EDA: variants seen among roughly 807,000 people sequenced by gnomAD.
EDA encodes ectodysplasin-A.
A neutral mutation model predicts 23.6 loss-of-function variants in EDA; 2 were observed. The observed-to-expected ratio is 0.08, with a 90% confidence interval of 0.03 to 0.27. The LOEUF is 0.27. Among genes scored for constraint, EDA ranks in the 10% least tolerant of loss-of-function variants. The pLI is 1.00. For missense variants in EDA, 229 were observed against 324.2 expected (o/e 0.71, Z 2.26); for synonymous variants, 131 against 132.0 (o/e 0.99, Z 0.05).
intron 2 of EDA, among the ~76,000 whole-genome samples, chrX:69,987,746 C>T (rs2019524659): frequency 9.0e-6 from 1 of 111,644 alleles, no homozygotes; most frequent in South Asian, 3.8e-4. Flanking sequence ...GTGGGACCTA[C>T]CCAGAAGTTA....
chrX:69,718,033 G>A (rs763526367), intron 1 of EDA, among the ~76,000 whole-genome samples: 3 of 111,604 alleles, frequency 2.7e-5, no homozygotes, highest in South Asian at 3.8e-4. Flanking sequence ...ACCTTCTGCC[G>A]TGATTGGCCT....
chrX:69,675,053 G>C (rs1934032967), intron 1 of EDA, among the ~76,000 whole-genome samples: 1 of 110,991 alleles, frequency 9.0e-6, no homozygotes, highest in Non-Finnish European at 1.9e-5. Context: ...GTGTGACCTT[G>C]GCTCATTGAA....
intron 1 of EDA, among the ~76,000 whole-genome samples, chrX:69,776,042 T>C (rs1354594276): frequency 8.9e-6 from 1 of 111,971 alleles, no homozygotes; most frequent in Non-Finnish European, 1.9e-5. Context: ...AGCTCACAAG[T>C]GCATAAATTG....
chrX:70,015,655 C>A (rs1002388029), intron 2 of EDA, among the ~76,000 whole-genome samples: 3 of 111,612 alleles, frequency 2.7e-5, no homozygotes, highest in African/African-American at 9.8e-5. Flanking sequence ...GAAATAAGAT[C>A]CTTTTCAGGC....
intron 1 of EDA, among the ~76,000 whole-genome samples, chrX:69,955,003 G>A (rs751215172): frequency 5.4e-5 from 6 of 112,057 alleles, no homozygotes; most frequent in South Asian, 7.4e-4. Flanking sequence ...ACATGATCTC[G>A]TTCTTTTTTA....
At chrX:69,690,296 T>C (rs962467379) in intron 1 of EDA, among the ~76,000 whole-genome samples, 1 of 111,686 alleles carries the variant, frequency 9.0e-6, no homozygotes, top group Non-Finnish European at 1.9e-5. Context: ...AGGTACCCCT[T>C]AATGTGGTTG....
chrX:69,616,558 C>T lies in EDA; in HGVS notation c.250C>T (p.Pro84Ser), dbSNP rs1931954062. Reference protein sequence around the residue: ...AESRLGGSGTPGTSGTLSSLG... With the variant: ...AESRLGGSGTSGTSGTLSSLG... ...GTCCCGCCTTGGCGGCTCGGGCACC[C>T]CTGGCACCTCTGGCACCCTAAGCAG... The change falls in exon 1 of 8, where the codon CCT becomes TCT. Residue 84 changes from proline (P) to serine (S), a missense_variant. Pro to Ser is a moderately conservative substitution (Grantham distance 74, BLOSUM62 -1). Transcript: ENST00000374552. 8.3e-7 allele frequency: 1 copy of T among 1,211,738 alleles called. No homozygotes were observed. The highest frequency in any genetic ancestry group is 1.1e-6 in the Non-Finnish European group (1 of 895,311).
rs1206219705 is a variant in EDA, at chrX:69,616,129, G to T, written c.-180G>T. ...CCTCCTCCTCCCTTTCCCACCCCTC[G>T]GAGTAGAGCTGCACATGCGGCTGCT... is the stretch of plus-strand genomic sequence containing the variant. On this transcript the variant is annotated 5_prime_UTR_variant, in exon 1 of 8. Transcript: ENST00000374552. 1 of 345,755 alleles carries T rather than the reference G, an allele frequency of 2.9e-6. No homozygotes were observed. Among genetic ancestry groups the T allele is most frequent in the African/African-American group, 2.6e-5 (1 of 37,757 alleles). 28.5% of individuals were successfully genotyped at this position (345,755 alleles called of 1,213,427 possible). A position where few individuals can be genotyped will look rare whatever the true frequency, so the allele number is the denominator to read the frequency against.
chrX:69,947,552 T>TGCCATAAA (rs1219394925), intron 1 of EDA, among the ~76,000 whole-genome samples: 1 of 112,341 alleles, frequency 8.9e-6, no homozygotes, highest in Admixed American at 9.4e-5. Context: ...CTTATGGTTA[T>TGCCATAAA]GCCATAAAGC....
intron 1 of EDA, among the ~76,000 whole-genome samples, chrX:69,751,948 G>A (rs188728808): frequency 1.0e-3 from 112 of 110,467 alleles, no homozygotes; most frequent in African/African-American, 3.5e-3. Flanking sequence ...CTTTGCTGAA[G>A]TTGCTTATCA....
In EDA at chrX:70,015,868, A is replaced by G. The variant is rs147149226; in HGVS notation, c.503-7350A>G. ...CAATGACAAGATCAAATTTGCACAT[A>G]TCAATATTACCCTTGAATGTAAATG... On this transcript the variant is annotated intron_variant, in intron 2 of 7. Coordinates refer to ENST00000374552, the MANE Select transcript of EDA (RefSeq NM_001399.5). Among the ~76,000 whole-genome samples the G allele has an allele frequency of 5.1e-4, 57 of 111,458 alleles. No homozygotes were observed. The East Asian group carries it at 0.015, about 29-fold the overall frequency.
At chrX:69,674,179 A>G (rs1409040185) in intron 1 of EDA, among the ~76,000 whole-genome samples, 1 of 110,636 alleles carries the variant, frequency 9.0e-6, no homozygotes, top group Non-Finnish European at 1.9e-5. Context: ...TATTTGGGGT[A>G]TACTTTTCTC....
intron 1 of EDA, among the ~76,000 whole-genome samples, chrX:69,675,575 A>AT (rs1934051372): frequency 1.9e-5 from 2 of 104,511 alleles, no homozygotes; most frequent in Non-Finnish European, 3.8e-5. Context: ...ACTGTCCCTA[A>AT]TTTTTTTTCA....
intron 1 of EDA, among the ~76,000 whole-genome samples, chrX:69,935,100 T>C (rs754873120): frequency 1.8e-5 from 2 of 111,947 alleles, no homozygotes; most frequent in Non-Finnish European, 3.8e-5. Context: ...TTTCCCTCCA[T>C]GTTGTTGCAA....
intron 1 of EDA, among the ~76,000 whole-genome samples, chrX:69,902,192 T>C (rs1267306930): frequency 9.0e-6 from 1 of 111,222 alleles, no homozygotes; most frequent in Non-Finnish European, 1.9e-5. Context: ...CGTTTGGTTA[T>C]AGACCTAGTC....
intron 1 of EDA, among the ~76,000 whole-genome samples, chrX:69,826,749 T>C (rs1294996106): frequency 9.1e-6 from 1 of 109,997 alleles, no homozygotes; most frequent in African/African-American, 3.3e-5. Flanking sequence ...ATTATGATGT[T>C]AGCTGGTGAT....
chrX:69,999,482 G>A (rs2019708418), intron 2 of EDA, among the ~76,000 whole-genome samples: 1 of 110,004 alleles, frequency 9.1e-6, no homozygotes, highest in East Asian at 2.9e-4. Context: ...TGGGCACAGT[G>A]GCAGGTGCCT....
At chrX:69,734,771 T>A (rs1351115719) in intron 1 of EDA, among the ~76,000 whole-genome samples, 1 of 111,945 alleles carries the variant, frequency 8.9e-6, no homozygotes, top group Non-Finnish European at 1.9e-5. Context: ...CTAGTTTAAT[T>A]TCATTGTGTT....
intron 2 of EDA, among the ~76,000 whole-genome samples, chrX:70,015,301 A>G (rs1010031683): frequency 8.9e-6 from 1 of 112,205 alleles, no homozygotes; most frequent in African/African-American, 3.2e-5. Context: ...GGCCAGGCAC[A>G]GTGGCTCACG....
Sources: allele counts gnomAD v4.1 joint callset (sites outside exome capture counted in the v4.1 genomes callset), GRCh38; gene constraint gnomAD v4.1.1; transcripts MANE v1.5; gene names NCBI Gene and HGNC (gene_info 2026-07-23, HGNC 2026-07-21).